DGLUCY: variants seen among roughly 807,000 people sequenced by gnomAD.
The protein encoded by DGLUCY is D-glutamate cyclase.
DGLUCY carries 58 observed loss-of-function variants against 58.5 expected under a neutral mutation model. The ratio of observed to expected loss-of-function variants is 0.99; its 90% CI spans 0.80 to 1.23. The LOEUF (loss-of-function observed/expected upper bound fraction) is 1.23. Ranked by LOEUF, DGLUCY falls within the 50% of genes most tolerant of loss-of-function variation. DGLUCY has a pLI of 0.00. For missense variants in DGLUCY, 779 were observed against 784.7 expected, an observed-to-expected ratio of 0.99 and a Z score of 0.09; for synonymous variants, 325 against 314.1, an observed-to-expected ratio of 1.03 and a Z score of -0.37.
intron 1 of DGLUCY, among the ~76,000 whole-genome samples, chr14:91,083,715 C>G (rs556064323): frequency 7.9e-5 from 12 of 152,108 alleles, no homozygotes; most frequent in Admixed American, 2.0e-4. Flanking sequence ...CAATGTTTTT[C>G]TGGTTTTTTT....
At chr14:91,186,105 G>T (rs2049499785) in intron 8 of DGLUCY, among the ~76,000 whole-genome samples, 2 of 152,244 alleles carry the variant, frequency 1.3e-5, no homozygotes, top group South Asian at 4.1e-4. Context: ...TTTTTGCACT[G>T]ATGATAAAAT....
intron 1 of DGLUCY, among the ~76,000 whole-genome samples, chr14:91,119,521 A>ATT (rs1047139246): frequency 6.6e-6 from 1 of 151,564 alleles, no homozygotes; most frequent in Non-Finnish European, 1.5e-5. Context: ...TTTGCTAGAC[A>ATT]TTTTTTTTCC....
At chr14:91,170,856 G>C (rs1206426749) in intron 5 of DGLUCY, among the ~76,000 whole-genome samples, 5 of 152,192 alleles carry the variant, frequency 3.3e-5, no homozygotes, top group African/African-American at 7.2e-5. Context: ...CCAGGCTCCA[G>C]GTTTCTTTAT....
At chr14:91,061,316 A>T (rs2043673947) in intron 1 of DGLUCY, among the ~76,000 whole-genome samples, 1 of 152,208 alleles carries the variant, frequency 6.6e-6, no homozygotes, top group Non-Finnish European at 1.5e-5. Context: ...TCACAGTCCC[A>T]GCTCCCGATG....
chr14:91,166,439 C>T (rs367956411), intron 3 of DGLUCY, among the ~76,000 whole-genome samples: 8 of 152,022 alleles, frequency 5.3e-5, no homozygotes, highest in South Asian at 2.1e-4. Flanking sequence ...CCAAGACAGG[C>T]AGATCACTTG....
chr14:91,133,212 T>G (rs150078631), intron 1 of DGLUCY, among the ~76,000 whole-genome samples: 24 of 152,128 alleles, frequency 1.6e-4, no homozygotes, highest in African/African-American at 5.8e-4. Context: ...GGAGAATTGC[T>G]TGAACCCGGG....
At chr14:91,217,448 G>A (rs544012260) in intron 13 of DGLUCY, among the ~76,000 whole-genome samples, 1 of 151,494 alleles carries the variant, frequency 6.6e-6, no homozygotes, top group East Asian at 1.9e-4. Context: ...CCCAACGTCT[G>A]CAACCAGACG....
chr14:91,163,428 TG>T (rs1310278969), intron 3 of DGLUCY, among the ~76,000 whole-genome samples: 1 of 152,172 alleles, frequency 6.6e-6, no homozygotes, highest in Admixed American at 6.5e-5. Context: ...TCAGGTTCCT[TG>T]GGCTTTCGGC....
intron 12 of DGLUCY, among the ~76,000 whole-genome samples, chr14:91,205,356 G>C (rs181273045): frequency 1.2e-3 from 179 of 152,210 alleles, no homozygotes; most frequent in Non-Finnish European, 2.1e-3. Flanking sequence ...CCCTACTGTT[G>C]CTCCTCTCCC....
At chr14:91,060,968 A>G (rs2043656214) in intron 1 of DGLUCY, 1 of 152,726 alleles carries the variant, frequency 6.5e-6, no homozygotes, top group Admixed American at 6.5e-5. Flanking sequence ...CAGAACGGTC[A>G]CACCCCTTAT....
At chr14:91,111,736 A>G (rs959909180), upstream of DGLUCY, among the ~76,000 whole-genome samples, 12 of 152,250 alleles carry the variant, frequency 7.9e-5, no homozygotes, top group Admixed American at 3.3e-4. Flanking sequence ...TTAGGGCTCA[A>G]CATACAAATG....
chr14:91,182,591 C>G (rs1385835240), intron 8 of DGLUCY, among the ~76,000 whole-genome samples: 1 of 152,198 alleles, frequency 6.6e-6, no homozygotes, highest in Non-Finnish European at 1.5e-5. Flanking sequence ...AGCCACCTAG[C>G]CTGTCCTCTA....
chr14:91,063,458 G>A (rs1040235391), intron 1 of DGLUCY, among the ~76,000 whole-genome samples: 1 of 152,158 alleles, frequency 6.6e-6, no homozygotes, highest in African/African-American at 2.4e-5. Context: ...CACAGACTGG[G>A]AGGACTCTGA....
At chr14:91,085,761 G>A (rs982774299) in intron 1 of DGLUCY, among the ~76,000 whole-genome samples, 1 of 152,022 alleles carries the variant, frequency 6.6e-6, no homozygotes, top group Admixed American at 6.6e-5. Context: ...TAGAGCTGGG[G>A]TTTCACCATG....
intron 1 of DGLUCY, among the ~76,000 whole-genome samples, chr14:91,129,697 A>G (rs1043507177): frequency 6.7e-6 from 1 of 150,356 alleles, no homozygotes; most frequent in Non-Finnish European, 1.5e-5. Flanking sequence ...CCCAGGCTGG[A>G]GTGCAATGGC....
At chr14:91,198,742 G>T (rs996009195) in intron 10 of DGLUCY, among the ~76,000 whole-genome samples, 4 of 152,156 alleles carry the variant, frequency 2.6e-5, no homozygotes, top group African/African-American at 9.7e-5. Flanking sequence ...CACTGAGTAG[G>T]TTCAGGGCTT....
intron 12 of DGLUCY, among the ~76,000 whole-genome samples, chr14:91,208,360 C>G (rs1295917348): frequency 2.6e-5 from 4 of 152,076 alleles, no homozygotes; most frequent in Admixed American, 6.5e-5. Context: ...TCAGTTTGCT[C>G]AAAATAATAA....
At chr14:91,091,225 C>T (rs1285402489) in intron 1 of DGLUCY, 2 of 151,580 alleles carry the variant, frequency 1.3e-5, no homozygotes, top group African/African-American at 4.8e-5. Flanking sequence ...AAGCCCCCCT[C>T]AAAAAAAAAT....
chr14:91,116,006 T>C (rs1415282041), intron 1 of DGLUCY, among the ~76,000 whole-genome samples: 1 of 152,232 alleles, frequency 6.6e-6, no homozygotes, highest in Non-Finnish European at 1.5e-5. Flanking sequence ...CCTTCTGGTT[T>C]GATAATAATG....
Sources: gnomAD v4.1 joint callset for allele counts (sites outside exome capture counted in the v4.1 genomes callset) on GRCh38, gnomAD v4.1.1 for gene constraint, MANE v1.5 for transcripts, NCBI Gene and HGNC (gene_info 2026-07-23, HGNC 2026-07-21) for gene names.